Variants in MAGI2 observed in about 807,000 individuals in gnomAD.
MAGI2 encodes the protein membrane-associated guanylate kinase, WW and PDZ domain-containing protein 2.
In MAGI2, 35 loss-of-function variants were observed where a neutral mutation model predicts 133.3. The ratio of observed to expected loss-of-function variants is 0.26; its 90% confidence interval spans 0.20 to 0.35. The LOEUF (loss-of-function observed/expected upper bound fraction) is 0.35, where lower values mean the gene tolerates loss of function less well. MAGI2 is among the 10% of genes least tolerant of loss of function. The probability of loss-of-function intolerance (pLI) is 1.00; values close to 1 mark genes in which losing one functional copy is unlikely to be tolerated. For synonymous variants in MAGI2, 729 were observed against 710.6 expected (o/e 1.03, Z -0.41); for missense variants, 1,636 against 1,863.4 (o/e 0.88, Z 2.25).
chr7:78,514,432 G>A (rs1357782772), intron 4 of MAGI2, among the ~76,000 whole-genome samples: 1 of 151,972 alleles, frequency 6.6e-6, no homozygotes, highest in Non-Finnish European at 1.5e-5. Context: ...ATGGAATGCT[G>A]GTCATTTATA....
chr7:78,304,388 G>C (rs1007784321), intron 9 of MAGI2, among the ~76,000 whole-genome samples: 1 of 152,160 alleles, frequency 6.6e-6, no homozygotes, highest in Non-Finnish European at 1.5e-5. Context: ...TCTTTCCTCT[G>C]ATAGTTGTGT....
intron 9 of MAGI2, among the ~76,000 whole-genome samples, chr7:78,293,923 C>G (rs1471414234): frequency 6.6e-6 from 1 of 151,930 alleles, no homozygotes; most frequent in Non-Finnish European, 1.5e-5. Flanking sequence ...CGTCACACAC[C>G]AGGGCCTGTC....
chr7:78,389,601 T>C (rs1213021913), intron 6 of MAGI2, among the ~76,000 whole-genome samples: 1 of 152,186 alleles, frequency 6.6e-6, no homozygotes, highest in African/African-American at 2.4e-5. Context: ...GCACACGGAA[T>C]TTTGGCTTCC....
rs188152665 is a variant in MAGI2, at chr7:79,107,145, C to G, written c.302-99939G>C. 7.9e-5 allele frequency among the ~76,000 whole-genome samples: 12 copies of G among 152,134 alleles called. No homozygotes were observed. In the East Asian group the frequency reaches 2.3e-3, roughly 29 times the overall value. On this transcript the variant is annotated intron_variant, in intron 1 of 21. Transcript: ENST00000354212. ...ATTAGCCTCAAATATCCAGGTGGGC[C>G]CAGTCTAACCACATGAATAAGTGGA...
intron 5 of MAGI2, among the ~76,000 whole-genome samples, chr7:78,497,766 T>TCTGTCTATCTA (rs1385517709): frequency 1.1e-4 from 15 of 135,420 alleles, no homozygotes; most frequent in African/African-American, 3.7e-4. Context: ...CTATCTATCT[T>TCTGTCTATCTA]TCTATCTTAT....
At chr7:78,775,932 C>T (rs1825950801) in intron 2 of MAGI2, among the ~76,000 whole-genome samples, 1 of 152,294 alleles carries the variant, frequency 6.6e-6, no homozygotes, top group African/African-American at 2.4e-5. Context: ...TACTGTTTTG[C>T]TTTCTACTCT....
chr7:78,267,455 T>C (rs1002949691), intron 9 of MAGI2, among the ~76,000 whole-genome samples: 1 of 152,186 alleles, frequency 6.6e-6, no homozygotes, highest in Admixed American at 6.6e-5. Flanking sequence ...TTGTTCAAAC[T>C]TGGACCCTTT....
At chr7:78,401,883 C>A (rs1277679364) in intron 6 of MAGI2, among the ~76,000 whole-genome samples, 3 of 151,950 alleles carry the variant, frequency 2.0e-5, no homozygotes, top group Admixed American at 2.0e-4. Context: ...ACATTCTATC[C>A]CTTTCTCCCT....
At chr7:78,142,093 C>T (rs1047482616) in intron 16 of MAGI2, among the ~76,000 whole-genome samples, 1 of 152,100 alleles carries the variant, frequency 6.6e-6, no homozygotes, top group Non-Finnish European at 1.5e-5. Context: ...TGTTTGGAAA[C>T]ATTTGATGGG....
At chr7:78,695,989 G>A (rs956264049) in intron 2 of MAGI2, among the ~76,000 whole-genome samples, 5 of 152,058 alleles carry the variant, frequency 3.3e-5, no homozygotes, top group Non-Finnish European at 7.4e-5. Context: ...AGGTTGAAGT[G>A]CAGTGGCATT....
At chr7:78,299,340 T>C (rs999290511) in intron 9 of MAGI2, among the ~76,000 whole-genome samples, 2 of 152,200 alleles carry the variant, frequency 1.3e-5, no homozygotes, top group Non-Finnish European at 2.9e-5. Context: ...ACAATGTTGC[T>C]ATCTAGCAGG....
rs753758720 is a variant in MAGI2, at chr7:78,345,689, TGGTG to T, written c.1225+229_1225+232del. 1,921 of 487,804 alleles carry T rather than the reference TGGTG, an allele frequency of 3.9e-3. 9 individuals are homozygous for T. The highest frequency in any genetic ancestry group is 6.3e-3 in the Non-Finnish European group (1,730 of 276,116). The allele number at this position is 487,804 out of a possible 1,614,324, so 30.2% of individuals were successfully genotyped here. On this transcript the variant is annotated intron_variant, in intron 8 of 21. Coordinates refer to ENST00000354212, the MANE Select transcript of MAGI2 (RefSeq NM_012301.4). ...CTATAAAAATCCATTAATCTCCACG[TGGTG>T]ACATGCTGTACATTCCTATAAAGTA...
intron 1 of MAGI2, among the ~76,000 whole-genome samples, chr7:79,166,172 A>T (rs1351059265): frequency 6.6e-6 from 1 of 152,056 alleles, no homozygotes; most frequent in Non-Finnish European, 1.5e-5. Flanking sequence ...CATGCCTTGA[A>T]TGTGGGTGGG....
intron 2 of MAGI2, among the ~76,000 whole-genome samples, chr7:78,709,822 T>G (rs550738212): frequency 6.6e-6 from 1 of 152,162 alleles, no homozygotes; most frequent in South Asian, 2.1e-4. Flanking sequence ...TGGTATTGAC[T>G]TTTTGCCTGG....
intron 20 of MAGI2, among the ~76,000 whole-genome samples, chr7:78,103,964 C>T: frequency 6.6e-6 from 1 of 152,214 alleles, no homozygotes; most frequent in Admixed American, 6.5e-5. Flanking sequence ...CAAAACACAA[C>T]AAATACCTCT....
At chr7:78,053,958 C>T (rs1812289622) in intron 21 of MAGI2, among the ~76,000 whole-genome samples, 2 of 150,836 alleles carry the variant, frequency 1.3e-5, no homozygotes, top group African/African-American at 4.9e-5. Flanking sequence ...CACACTTGTA[C>T]TCCCCCGAGA....
chr7:79,326,747 G>GACATCTT (rs1257474870), intron 1 of MAGI2, among the ~76,000 whole-genome samples: 1 of 151,274 alleles, frequency 6.6e-6, no homozygotes, highest in Non-Finnish European at 1.5e-5. Flanking sequence ...AATCTCTCCT[G>GACATCTT]ACATCTTAGC....
At chr7:79,162,300 A>C (rs1824446487) in intron 1 of MAGI2, among the ~76,000 whole-genome samples, 1 of 152,076 alleles carries the variant, frequency 6.6e-6, no homozygotes, top group Non-Finnish European at 1.5e-5. Flanking sequence ...ACTTCCAAGG[A>C]AACCAAAATC....
At chr7:79,432,398 G>C (rs1055300127) in intron 1 of MAGI2, among the ~76,000 whole-genome samples, 26 of 152,198 alleles carry the variant, frequency 1.7e-4, no homozygotes, top group Non-Finnish European at 3.1e-4. Context: ...AAGTGTGAGA[G>C]AGTTCTTGTA....
Sources: gnomAD v4.1 joint callset for allele counts (sites outside exome capture counted in the v4.1 genomes callset) on GRCh38, gnomAD v4.1.1 for gene constraint, MANE v1.5 for transcripts, NCBI Gene and HGNC (gene_info 2026-07-23, HGNC 2026-07-21) for gene names.